The following ZEB1 variants were observed in gnomAD, a reference collection of about 807,000 sequenced individuals.
ZEB1 encodes zinc finger E-box binding homeobox 1, also known as zinc finger E-box-binding homeobox 1.
ZEB1 carries 21 observed loss-of-function variants against 84.9 expected under a neutral mutation model. The observed-to-expected ratio is 0.25, with a 90% CI of 0.18 to 0.36. ZEB1 has a LOEUF of 0.36. ZEB1 is among the 10% of genes least tolerant of loss of function. The probability of loss-of-function intolerance (pLI) is 1.00; values close to 1 mark genes in which losing one functional copy is unlikely to be tolerated. For synonymous variants in ZEB1, 420 were observed against 471.1 expected, an observed-to-expected ratio of 0.89 and a Z score of 1.41; for missense variants, 1,104 against 1,330.2, an observed-to-expected ratio of 0.83 and a Z score of 2.65.
intron 1 of ZEB1, among the ~76,000 whole-genome samples, chr10:31,360,112 A>G (rs750741425): frequency 6.6e-5 from 10 of 152,206 alleles, no homozygotes; most frequent in Non-Finnish European, 1.2e-4. Flanking sequence ...TTCAATGAGT[A>G]AAGTACTTGG....
In ZEB1 at chr10:31,510,740, C is replaced by T. The variant is rs2069835135; in HGVS notation, c.552C>T (p.Thr184=). 1 of 1,613,890 alleles carries T rather than the reference C, an allele frequency of 6.2e-7. No homozygotes were observed. Among genetic ancestry groups the T allele is most frequent in the Non-Finnish European group, 8.5e-7 (1 of 1,179,874 alleles). The change falls in exon 5 of 9, where the codon ACC becomes ACT. Residue 184 remains threonine, a synonymous_variant. Coordinates refer to ENST00000424869, the MANE Select transcript of ZEB1 (RefSeq NM_001174096.2). ...PYCDRGYKRF[T]SLKEHIKYRH... ...GTGATAGAGGCTATAAACGCTTTAC[C>T]TCTCTGAAAGAACACATTAAATATC...
At chr10:31,332,250 G>T (rs1381908493) in intron 1 of ZEB1, among the ~76,000 whole-genome samples, 2 of 152,100 alleles carry the variant, frequency 1.3e-5, no homozygotes, top group Admixed American at 1.3e-4. Flanking sequence ...ATAGTGGCTG[G>T]TATCTGTGCA....
intron 1 of ZEB1, chr10:31,389,525 C>T (rs1564686106): frequency 6.6e-6 from 1 of 152,048 alleles, no homozygotes. Flanking sequence ...CTGGCATGAT[C>T]ATGCTCTTTA....
intron 2 of ZEB1, among the ~76,000 whole-genome samples, chr10:31,489,865 T>C (rs2066275566): frequency 6.6e-6 from 1 of 151,504 alleles, no homozygotes; most frequent in South Asian, 2.1e-4. Context: ...TATGACAGTC[T>C]TCCTTTAGTA....
intron 1 of ZEB1, among the ~76,000 whole-genome samples, chr10:31,423,638 A>G (rs161260): frequency 0.96 from 146,627 of 152,168 alleles, 70,665 homozygotes; most frequent in East Asian, 1. Context: ...CTTCCCAAAC[A>G]TAATGTATTA....
chr10:31,335,306 T>TA (rs1042265976), intron 1 of ZEB1, among the ~76,000 whole-genome samples: 45 of 151,356 alleles, frequency 3.0e-4, no homozygotes, highest in South Asian at 6.3e-4. Flanking sequence ...CATCAGATAA[T>TA]AAAAAAAAAC....
intron 1 of ZEB1, among the ~76,000 whole-genome samples, chr10:31,439,038 T>C (rs926729547): frequency 6.6e-6 from 1 of 152,170 alleles, no homozygotes; most frequent in South Asian, 2.1e-4. Flanking sequence ...TAAAGTAATA[T>C]AAACATTAAA....
chr10:31,411,625 C>G (rs1180803427), intron 1 of ZEB1, among the ~76,000 whole-genome samples: 1 of 111,966 alleles, frequency 8.9e-6, no homozygotes, highest in East Asian at 2.8e-4. Flanking sequence ...GGCGACAGAG[C>G]GAGACTCCGT....
In ZEB1 at chr10:31,527,798, T is replaced by C. The variant is rs1406418586; in HGVS notation, c.*534T>C. ...AAATTCCCTTCACAGAGAAGTATAA[T>C]GTAGTTCCAACCCGTGCTAACTACC... On this transcript the variant is annotated 3_prime_UTR_variant, in exon 9 of 9. Coordinates refer to ENST00000424869, the MANE Select transcript of ZEB1 (RefSeq NM_001174096.2). 1.3e-5 allele frequency: 2 copies of C among 158,812 alleles called. No homozygotes were observed. The highest frequency in any genetic ancestry group is 4.8e-5 in the African/African-American group (2 of 41,474). The allele number at this position is 158,812 out of a possible 1,614,324, so 9.8% of individuals were successfully genotyped here.
At chr10:31,393,464 T>C (rs1420214504) in intron 1 of ZEB1, among the ~76,000 whole-genome samples, 3 of 152,228 alleles carry the variant, frequency 2.0e-5, no homozygotes, top group African/African-American at 7.2e-5. Context: ...TTATGTTTAA[T>C]TTAGAAAAGC....
intron 1 of ZEB1, among the ~76,000 whole-genome samples, chr10:31,379,001 A>T (rs1401859119): frequency 6.6e-6 from 1 of 152,204 alleles, no homozygotes; most frequent in African/African-American, 2.4e-5. Flanking sequence ...TATACCTATC[A>T]TTCACTTAAA....
At chr10:31,361,838 T>C (rs935609406) in intron 1 of ZEB1, among the ~76,000 whole-genome samples, 1 of 139,574 alleles carries the variant, frequency 7.2e-6, no homozygotes, top group African/African-American at 2.7e-5. Context: ...TCCCAGACGG[T>C]GAGGAGGCCG....
At chr10:31,381,599 G>A (rs966912167) in intron 1 of ZEB1, 6 of 152,064 alleles carry the variant, frequency 3.9e-5, no homozygotes, top group Non-Finnish European at 8.8e-5. Context: ...GAGAAGTCTC[G>A]TCCTACTAAA....
intron 1 of ZEB1, among the ~76,000 whole-genome samples, chr10:31,365,427 C>A (rs141647100): frequency 6.6e-6 from 1 of 152,042 alleles, no homozygotes; most frequent in Non-Finnish European, 1.5e-5. Context: ...TTGAAACCAT[C>A]TATATTCAAA....
chr10:31,469,744 T>C (rs1236646159), intron 2 of ZEB1, among the ~76,000 whole-genome samples: 1 of 152,216 alleles, frequency 6.6e-6, no homozygotes, highest in Non-Finnish European at 1.5e-5. Flanking sequence ...CTCTGTAGGC[T>C]CCACCTCTGG....
In ZEB1 at chr10:31,526,729, T is replaced by G; in HGVS notation, c.2843T>G (p.Leu948Trp). The G allele has an allele frequency of 6.2e-7, 1 of 1,614,114 alleles. No homozygotes were observed. The highest frequency in any genetic ancestry group is 8.5e-7 in the Non-Finnish European group (1 of 1,180,008). ...CKKAFKHKHH[L>W]IEHMRLHSGE... ...AAGGCATTTAAACACAAACATCATT[T>G]GATTGAACACATGCGATTACATTCT... The change falls in exon 9 of 9, where the codon TTG becomes TGG. Residue 948 changes from leucine to tryptophan, a missense_variant. Leu to Trp is a moderately conservative substitution (Grantham distance 61). Coordinates refer to ENST00000424869, the MANE Select transcript of ZEB1 (RefSeq NM_001174096.2).
intron 1 of ZEB1, among the ~76,000 whole-genome samples, chr10:31,427,467 A>G (rs1237933022): frequency 6.6e-6 from 1 of 151,734 alleles, no homozygotes; most frequent in Non-Finnish European, 1.5e-5. Context: ...TTATATTATG[A>G]CTCACTCTCT....
chr10:31,378,332 AAG>A (rs1394190933), intron 1 of ZEB1, among the ~76,000 whole-genome samples: 1 of 151,496 alleles, frequency 6.6e-6, no homozygotes, highest in Non-Finnish European at 1.5e-5. Context: ...TACTCATCAG[AAG>A]TTAGTTGCTG....
chr10:31,484,052 A>G (rs1393705163), intron 2 of ZEB1, among the ~76,000 whole-genome samples: 1 of 151,858 alleles, frequency 6.6e-6, no homozygotes, highest in Non-Finnish European at 1.5e-5. Flanking sequence ...TTGGCTTGTG[A>G]CTTCTTTTCT....
Sources: allele counts gnomAD v4.1 joint callset (sites outside exome capture counted in the v4.1 genomes callset), GRCh38; gene constraint gnomAD v4.1.1; transcripts MANE v1.5; gene names NCBI Gene and HGNC (gene_info 2026-07-23, HGNC 2026-07-21).